Variants in DHX30 observed in about 807,000 individuals in gnomAD.
DHX30 encodes ATP-dependent RNA helicase DHX30.
In DHX30, 4 loss-of-function variants were observed where a neutral mutation model predicts 116.9. That is an observed-to-expected ratio of 0.03 (90% CI 0.02 to 0.08). DHX30 has a LOEUF of 0.08. Ranked by LOEUF, DHX30 falls within the 10% of genes least tolerant of loss-of-function variation. DHX30 has a pLI of 1.00. For synonymous variants in DHX30, 697 were observed against 651.7 expected (o/e 1.07, Z -1.06); for missense variants, 871 against 1,595.1 (o/e 0.55, Z 7.73).
At chr3:47,806,129 G>A (rs1329038742) in intron 2 of DHX30, among the ~76,000 whole-genome samples, 3 of 146,878 alleles carry the variant, frequency 2.0e-5, no homozygotes, top group African/African-American at 5.0e-5. Context: ...CACCAAGCCC[G>A]GCTAATTTTT....
At chr3:47,831,730 T>C (rs1010538861) in intron 6 of DHX30, among the ~76,000 whole-genome samples, 11 of 151,236 alleles carry the variant, frequency 7.3e-5, no homozygotes, top group African/African-American at 2.7e-4. Context: ...AGGCTGGTTT[T>C]GAACTCCTGG....
At chr3:47,808,710 G>T (rs1222063331) in intron 2 of DHX30, among the ~76,000 whole-genome samples, 1 of 147,220 alleles carries the variant, frequency 6.8e-6, no homozygotes, top group Non-Finnish European at 1.5e-5. Flanking sequence ...TGAGTAGCTG[G>T]GATTACAGGC....
rs1253112905 is a variant in DHX30 at position 47,824,599 on chromosome 3, C to T, written c.125-2748C>T. Among the ~76,000 whole-genome samples, 7 of 152,080 alleles carry T rather than the reference C, an allele frequency of 4.6e-5. 1 individual carries two copies. The highest frequency in any genetic ancestry group is 1.9e-4 in the East Asian group (1 of 5,188). The stretch of plus-strand genomic sequence containing the variant: ...GAGCCACGGCGCCTGGCCCTGGCTC[C>T]AGATCTTCACCAGGTTTACTTTGTA... On this transcript the variant is annotated intron_variant, in intron 4 of 21. Coordinates refer to ENST00000445061, the MANE Select transcript of DHX30 (RefSeq NM_138615.3).
intron 2 of DHX30, among the ~76,000 whole-genome samples, chr3:47,807,529 C>T (rs1312275097): frequency 6.6e-6 from 1 of 151,242 alleles, no homozygotes; most frequent in Non-Finnish European, 1.5e-5. Context: ...TGATGAAAGC[C>T]CATCTCTACT....
chr3:47,840,241 C>A (rs1195533216), intron 6 of DHX30, among the ~76,000 whole-genome samples: 1 of 151,502 alleles, frequency 6.6e-6, no homozygotes, highest in Non-Finnish European at 1.5e-5. Flanking sequence ...TCATGATCCG[C>A]CCGTCTCGGC....
chr3:47,846,087 C>T lies in DHX30; in HGVS notation c.1093-78C>T, dbSNP rs79691392. 2.1e-3 allele frequency: 3,102 copies of T among 1,501,806 alleles called. 57 individuals are homozygous for T. In the African/African-American group the frequency reaches 0.038, roughly 18 times the overall value. The allele number at this position is 1,501,806 out of a possible 1,614,324, so 93.0% of individuals were successfully genotyped here. ...GTTGGGCCACAACATCTGACCCAGG[C>T]GAATCCTGCAGAGTGGCTGGTTGTG... On this transcript the variant is annotated intron_variant, in intron 10 of 21. Transcript: ENST00000445061.
chr3:47,831,803 A>C (rs1415515315), intron 6 of DHX30, among the ~76,000 whole-genome samples: 1 of 149,586 alleles, frequency 6.7e-6, no homozygotes, highest in Non-Finnish European at 1.5e-5. Flanking sequence ...GAGCCACTGC[A>C]CCCAGCCTAT....
In DHX30 at chr3:47,849,003, T is replaced by C. The variant is rs750414337; in HGVS notation, c.2853T>C (p.Arg951=). Residue 951 remains arginine, a synonymous_variant, in exon 18 of 22, where the codon CGT becomes CGC. Transcript: ENST00000445061. ...TCGCCGGCTGGGAGGAGGTGCTGCG[T>C]TGGCAGGACCGCAGCTCCCGGGAGA... ...RAVAGWEEVL[R]WQDRSSRENY... is the part of the protein sequence containing the mutation. 1 of 1,613,598 alleles carries C rather than the reference T, an allele frequency of 6.2e-7. No individual in the cohort carries two copies. The highest frequency in any genetic ancestry group is 1.1e-5 in the South Asian group (1 of 90,996).
chr3:47,819,749 G>C (rs1559694193), intron 4 of DHX30, among the ~76,000 whole-genome samples: 1 of 151,760 alleles, frequency 6.6e-6, no homozygotes, highest in Non-Finnish European at 1.5e-5. Context: ...ATTTGGAACT[G>C]AAAAAAAATG....
chr3:47,816,666 T>A, intron 3 of DHX30: 1 of 985,594 alleles, frequency 1.0e-6, no homozygotes, highest in Non-Finnish European at 1.2e-6. Flanking sequence ...ACAAAGAGCC[T>A]TCTAATGTGA....
chr3:47,819,141 A>G lies in DHX30; in HGVS notation c.124+1024A>G, dbSNP rs2036184018. On this transcript the variant is annotated intron_variant, in intron 4 of 21. Transcript: ENST00000445061. ...TTCTAGCCCCCTGACCATTTGACTT[A>G]GGTTTTAAAGAAATGCCACCCCCCT... 7.3e-6 allele frequency: 8 copies of G among 1,091,880 alleles called. No homozygotes were observed. In the Admixed American group the frequency reaches 1.4e-4, roughly 18 times the overall value. The allele number at this position is 1,091,880 out of a possible 1,614,324, so 67.6% of individuals were successfully genotyped here. A position where few individuals can be genotyped will look rare whatever the true frequency, so the allele number is the denominator to read the frequency against.
intron 6 of DHX30, among the ~76,000 whole-genome samples, chr3:47,837,950 C>T (rs1317546204): frequency 2.6e-5 from 4 of 152,046 alleles, no homozygotes; most frequent in East Asian, 1.9e-4. Flanking sequence ...AGCTCAGGAC[C>T]GGTGTGGGAG....
chr3:47,832,165 C>T (rs1240634444), intron 6 of DHX30, among the ~76,000 whole-genome samples: 1 of 151,754 alleles, frequency 6.6e-6, no homozygotes, highest in Non-Finnish European at 1.5e-5. Context: ...TCTGCCTCGG[C>T]CTCCCAAAGT....
chr3:47,817,288 A>G (rs778409774), intron 3 of DHX30, among the ~76,000 whole-genome samples: 11 of 152,148 alleles, frequency 7.2e-5, no homozygotes, highest in Non-Finnish European at 1.5e-4. Flanking sequence ...TTCCTTACCC[A>G]TATATTTCCA....
chr3:47,820,247 G>A (rs2106980490), intron 4 of DHX30, among the ~76,000 whole-genome samples: 1 of 152,270 alleles, frequency 6.6e-6, no homozygotes, highest in East Asian at 1.9e-4. Flanking sequence ...GCAGGAGGCG[G>A]GGGTTGCAGT....
chr3:47,808,425 C>T (rs1176866980), intron 2 of DHX30, among the ~76,000 whole-genome samples: 1 of 151,710 alleles, frequency 6.6e-6, no homozygotes, highest in African/African-American at 2.4e-5. Flanking sequence ...ACTATGTTGC[C>T]CAGGCTGGTC....
intron 6 of DHX30, among the ~76,000 whole-genome samples, chr3:47,838,723 G>A (rs1369673043): frequency 6.6e-6 from 1 of 152,130 alleles, no homozygotes; most frequent in South Asian, 2.1e-4. Flanking sequence ...AGACTTTGTC[G>A]CCTTTACCAC....
At chr3:47,803,636 G>T (rs2035394105) in intron 1 of DHX30, among the ~76,000 whole-genome samples, 1 of 152,170 alleles carries the variant, frequency 6.6e-6, no homozygotes, top group Non-Finnish European at 1.5e-5. Flanking sequence ...TCCCGGTGCT[G>T]CCCGGACCGT....
chr3:47,816,991 CT>C (rs2036089295), intron 3 of DHX30: 1 of 981,518 alleles, frequency 1.0e-6, no homozygotes, highest in Non-Finnish European at 1.2e-6. Flanking sequence ...TTTTCAGCTC[CT>C]TTGCTTTCAG....
Sources: allele counts gnomAD v4.1 joint callset (sites outside exome capture counted in the v4.1 genomes callset), GRCh38; gene constraint gnomAD v4.1.1; transcripts MANE v1.5; gene names NCBI Gene and HGNC (gene_info 2026-07-23, HGNC 2026-07-21).